NPAS3: variants seen among roughly 807,000 people sequenced by gnomAD.
NPAS3 encodes neuronal PAS domain protein 3.
In NPAS3, 14 loss-of-function variants were observed where a neutral mutation model predicts 73.1. The observed-to-expected ratio is 0.19, with a 90% CI of 0.13 to 0.30. NPAS3 has a LOEUF of 0.30. NPAS3 is among the 10% of genes least tolerant of loss of function. The pLI is 1.00. For missense variants in NPAS3, 1,096 were observed against 1,250.0 expected (o/e 0.88, Z 1.86); for synonymous variants, 620 against 541.5 (o/e 1.14, Z -2.01).
chr14:33,147,734 T>A (rs376036419), intron 2 of NPAS3, among the ~76,000 whole-genome samples: 17,849 of 106,322 alleles, frequency 0.17, 1,488 homozygotes, highest in Admixed American at 0.26. Flanking sequence ...ATAAAAAATA[T>A]ATATATATAT....
intron 1 of NPAS3, among the ~76,000 whole-genome samples, chr14:32,963,615 A>G (rs17099765): frequency 0.029 from 4,357 of 152,252 alleles, 182 homozygotes; most frequent in African/African-American, 0.094. Flanking sequence ...TCCCCTGGAC[A>G]AATAATCCAA....
At chr14:33,174,696 G>A (rs1027411566) in intron 2 of NPAS3, among the ~76,000 whole-genome samples, 5 of 152,104 alleles carry the variant, frequency 3.3e-5, no homozygotes, top group Non-Finnish European at 7.3e-5. Context: ...ATAAGTCAGA[G>A]GCTAAATGGA....
intron 4 of NPAS3, among the ~76,000 whole-genome samples, chr14:33,503,625 A>G (rs754623891): frequency 1.3e-5 from 2 of 151,902 alleles, no homozygotes; most frequent in Non-Finnish European, 2.9e-5. Flanking sequence ...ATATTCTCAT[A>G]TATAGTTTAT....
intron 3 of NPAS3, among the ~76,000 whole-genome samples, chr14:33,319,387 A>C (rs1393216305): frequency 6.6e-6 from 1 of 152,144 alleles, no homozygotes; most frequent in South Asian, 2.1e-4. Flanking sequence ...TTAGACCGCC[A>C]GATATTTAAA....
chr14:33,406,287 G>A (rs2047663166), intron 4 of NPAS3, among the ~76,000 whole-genome samples: 1 of 152,124 alleles, frequency 6.6e-6, no homozygotes, highest in African/African-American at 2.4e-5. Context: ...ACAAATATGA[G>A]TATGTGTGGT....
At chr14:33,113,065 T>C (rs1462226751) in intron 2 of NPAS3, among the ~76,000 whole-genome samples, 2 of 152,244 alleles carry the variant, frequency 1.3e-5, no homozygotes, top group Middle Eastern at 3.2e-3. Context: ...TTTTGGTTAC[T>C]GTAGCCTTGT....
At position 33,459,313 on chromosome 14, in the gene NPAS3, C is replaced by T. The variant is rs554076985; in HGVS notation, c.468+92045C>T. Among the ~76,000 whole-genome samples, 8 of 152,276 alleles carry T rather than the reference C, an allele frequency of 5.3e-5. No homozygotes were observed. In the East Asian group the frequency reaches 9.6e-4, roughly 18 times the overall value. On this transcript the variant is annotated intron_variant, in intron 4 of 11. Coordinates refer to ENST00000356141, the Ensembl canonical transcript of NPAS3. Reference sequence around the variant, plus strand: ...AGCCTTATTTTACCCAGCTACTATTCGAGATGGAATTGCTCTGGTTCACAT... The same window carrying T: ...AGCCTTATTTTACCCAGCTACTATTTGAGATGGAATTGCTCTGGTTCACAT...
At chr14:33,317,978 A>G (rs1037932379) in intron 3 of NPAS3, among the ~76,000 whole-genome samples, 1 of 152,018 alleles carries the variant, frequency 6.6e-6, no homozygotes, top group Non-Finnish European at 1.5e-5. Context: ...TGATCGAGCA[A>G]CTCCACTTCT....
intron 1 of NPAS3, among the ~76,000 whole-genome samples, chr14:33,016,500 C>A (rs1161800283): frequency 6.6e-6 from 1 of 151,394 alleles, no homozygotes; most frequent in African/African-American, 2.4e-5. Flanking sequence ...ATAACTGATA[C>A]CCAAAGAAAA....
intron 1 of NPAS3, among the ~76,000 whole-genome samples, chr14:32,948,957 C>T (rs934983713): frequency 3.9e-5 from 6 of 152,124 alleles, no homozygotes; most frequent in East Asian, 1.9e-4. Flanking sequence ...TTGTGTTTCC[C>T]GTTTTAATTC....
At chr14:33,747,392 G>C (rs1210535086) in intron 7 of NPAS3, among the ~76,000 whole-genome samples, 2 of 152,200 alleles carry the variant, frequency 1.3e-5, no homozygotes, top group African/African-American at 4.8e-5. Flanking sequence ...AAAGAAGAGA[G>C]CCAGGAATCT....
intron 5 of NPAS3, among the ~76,000 whole-genome samples, chr14:33,614,646 A>C (rs576244735): frequency 1.5e-4 from 23 of 152,346 alleles, no homozygotes; most frequent in African/African-American, 5.5e-4. Flanking sequence ...AGTTTAGAGC[A>C]GTGTTATCAA....
At chr14:33,550,596 A>G (rs1326396900) in intron 4 of NPAS3, among the ~76,000 whole-genome samples, 1 of 152,246 alleles carries the variant, frequency 6.6e-6, no homozygotes, top group Non-Finnish European at 1.5e-5. Context: ...CAGGCAGCGT[A>G]CGCTGGTCCT....
intron 2 of NPAS3, among the ~76,000 whole-genome samples, chr14:33,179,049 T>TA (rs999890092): frequency 3.0e-4 from 45 of 151,952 alleles, no homozygotes; most frequent in African/African-American, 6.5e-4. Context: ...ATACCTTTTT[T>TA]AAAAAAAAAT....
chr14:33,638,200 A>G (rs1305967764), intron 5 of NPAS3, among the ~76,000 whole-genome samples: 1 of 152,150 alleles, frequency 6.6e-6, no homozygotes, highest in Non-Finnish European at 1.5e-5. Flanking sequence ...TCCTTTTTAT[A>G]TTACTTATTT....
chr14:33,107,466 A>G (rs1446878169), intron 2 of NPAS3, among the ~76,000 whole-genome samples: 1 of 152,060 alleles, frequency 6.6e-6, no homozygotes, highest in Admixed American at 6.6e-5. Flanking sequence ...GTCCACGTAT[A>G]CCCAATGTTT....
intron 3 of NPAS3, among the ~76,000 whole-genome samples, chr14:33,270,683 A>G (rs1176041167): frequency 6.6e-6 from 1 of 152,158 alleles, no homozygotes; most frequent in Non-Finnish European, 1.5e-5. Context: ...GAAGATCGTA[A>G]TTAAAGAACA....
chr14:33,618,013 G>T (rs1436922625), intron 5 of NPAS3, among the ~76,000 whole-genome samples: 1 of 152,160 alleles, frequency 6.6e-6, no homozygotes, highest in Non-Finnish European at 1.5e-5. Context: ...ACACAGCGGG[G>T]ACTCAACAAA....
At chr14:33,480,914 A>G (rs901440524) in intron 4 of NPAS3, among the ~76,000 whole-genome samples, 4 of 151,992 alleles carry the variant, frequency 2.6e-5, no homozygotes, top group African/African-American at 4.8e-5. Flanking sequence ...AGGATGAGCA[A>G]CAGCATTTTT....
Sources: gnomAD v4.1 joint callset for allele counts (sites outside exome capture counted in the v4.1 genomes callset) on GRCh38, gnomAD v4.1.1 for gene constraint, MANE v1.5 for transcripts, NCBI Gene and HGNC (gene_info 2026-07-23, HGNC 2026-07-21) for gene names.